The following CCN5 variants were observed in gnomAD, a reference collection of about 807,000 sequenced individuals.
CCN5 encodes the protein CCN family member 5.
In CCN5, 17 loss-of-function variants were observed where a neutral mutation model predicts 18.7. The observed-to-expected ratio is 0.91, with a 90% CI of 0.62 to 1.36. The LOEUF (loss-of-function observed/expected upper bound fraction) is 1.36. Ranked by LOEUF, CCN5 falls within the 40% of genes most tolerant of loss-of-function variation. CCN5 has a pLI of 0.00. For synonymous variants in CCN5, 135 were observed against 145.2 expected (o/e 0.93, Z 0.50); for missense variants, 367 against 342.9 (o/e 1.07, Z -0.56).
chr20:44,715,232 T>C (rs2065847553), upstream of CCN5: 31 of 489,348 alleles, frequency 6.3e-5, 1 homozygote, highest in South Asian at 6.3e-4. Context: ...AGTGTGTTTG[T>C]GTGTGTGTGT....
intron 3 of CCN5, among the ~76,000 whole-genome samples, chr20:44,725,575 C>T (rs1310220512): frequency 2.0e-5 from 3 of 151,826 alleles, no homozygotes; most frequent in South Asian, 2.1e-4. Context: ...GTGACAGAGC[C>T]GGGAGAGGAA....
At chr20:44,718,915 A>G (rs568718442) in intron 1 of CCN5, among the ~76,000 whole-genome samples, 3 of 152,204 alleles carry the variant, frequency 2.0e-5, no homozygotes, top group Non-Finnish European at 2.9e-5. Context: ...CTGATTTTGT[A>G]AGCCCCAGAG....
chr20:44,723,138 T>C (rs2065911770), intron 2 of CCN5, among the ~76,000 whole-genome samples: 1 of 152,096 alleles, frequency 6.6e-6, no homozygotes, highest in African/African-American at 2.4e-5. Context: ...TCCAGCCACA[T>C]TGGCCCCTTG....
intron 1 of CCN5, among the ~76,000 whole-genome samples, chr20:44,717,231 T>C (rs1568877717): frequency 6.6e-6 from 1 of 152,192 alleles, no homozygotes; most frequent in Non-Finnish European, 1.5e-5. Flanking sequence ...GCACCTCACA[T>C]TGGAGGGGTA....
At chr20:44,718,453 G>T (rs1302690443) in intron 1 of CCN5, among the ~76,000 whole-genome samples, 7 of 152,054 alleles carry the variant, frequency 4.6e-5, no homozygotes, top group African/African-American at 1.7e-4. Flanking sequence ...ACTCAAACTT[G>T]GCCCCCCAAA....
chr20:44,715,274 C>T (rs758856388), upstream of CCN5: 9,806 of 747,286 alleles, frequency 0.013, 185 homozygotes, highest in Non-Finnish European at 0.014. Flanking sequence ...CGCGCGCGCG[C>T]GCGCGCGTGT....
At chr20:44,726,398 T>G (rs748795671) in intron 3 of CCN5, among the ~76,000 whole-genome samples, 3 of 151,824 alleles carry the variant, frequency 2.0e-5, no homozygotes, top group Non-Finnish European at 2.9e-5. Flanking sequence ...GAAATCAGGG[T>G]TTCTCAACGT....
rs778824284 is a variant in CCN5, at chr20:44,727,459, C to G, written c.*152C>G. The G allele has an allele frequency of 3.1e-5, 44 of 1,437,642 alleles. No individual in the cohort carries two copies. The highest frequency in any genetic ancestry group is 3.9e-5 in the Non-Finnish European group (43 of 1,090,504). The allele number at this position is 1,437,642 out of a possible 1,614,324, so 89.1% of individuals were successfully genotyped here. A position where few individuals can be genotyped will look rare whatever the true frequency, so the allele number is the denominator to read the frequency against. On this transcript the variant is annotated 3_prime_UTR_variant, in exon 4 of 4. Transcript: ENST00000190983. ...CCACCATGCAGAACACCAATATTAA[C>G]ACGCTGCCTGGTCTGTCTGGATCCC... is the stretch of plus-strand genomic sequence containing the variant.
intron 3 of CCN5, 85 bp from the exon 4 acceptor site, chr20:44,727,002 A>G (rs2065939947): frequency 1.5e-6 from 2 of 1,351,378 alleles, no homozygotes; most frequent in Non-Finnish European, 2.0e-6. Flanking sequence ...CATTTGACCA[A>G]GATTGCCGTG....
chr20:44,715,493 G>A (rs1209186254), intron 1 of CCN5, 43 bp downstream of exon 1: 3 of 1,560,140 alleles, frequency 1.9e-6, no homozygotes, highest in Non-Finnish European at 2.6e-6. Flanking sequence ...GACTATTTGG[G>A]TGTGGAGGGG....
intron 1 of CCN5, among the ~76,000 whole-genome samples, chr20:44,719,566 G>A (rs546591943): frequency 6.6e-6 from 1 of 152,256 alleles, no homozygotes; most frequent in South Asian, 2.1e-4. Flanking sequence ...AGGCACGAGA[G>A]TCGCTTGAAC....
At position 44,721,888 on chromosome 20, in the gene CCN5, A is replaced by C. The variant is rs1368533463; in HGVS notation, c.277+1775A>C. The stretch of plus-strand genomic sequence containing the variant: ...ACTTGCCCAAGGTCACACAGCTCAT[A>C]AGCGGCAGAGCTGAGATTTGAACTC... On this transcript the variant is annotated intron_variant, in intron 2 of 3. Transcript: ENST00000190983. Among the ~76,000 whole-genome samples the C allele has an allele frequency of 3.3e-5, 5 of 152,372 alleles. No individual in the cohort carries two copies. The South Asian group carries it at 1.0e-3, about 32-fold the overall frequency.
chr20:44,717,188 A>G (rs1201866832), intron 1 of CCN5, among the ~76,000 whole-genome samples: 1 of 152,184 alleles, frequency 6.6e-6, no homozygotes, highest in Non-Finnish European at 1.5e-5. Context: ...TTTGAGCTCC[A>G]GTTTTCTCAT....
intron 2 of CCN5, 141 bp from the exon 3 acceptor site, chr20:44,724,597 G>T: frequency 3.8e-6 from 5 of 1,324,876 alleles, no homozygotes; most frequent in Non-Finnish European, 5.1e-6. Flanking sequence ...CTGGGGAGAG[G>T]TGCATATCCT....
intron 2 of CCN5, among the ~76,000 whole-genome samples, chr20:44,722,608 A>G (rs1462574991): frequency 2.0e-5 from 3 of 151,952 alleles, no homozygotes; most frequent in Non-Finnish European, 4.4e-5. Context: ...CTGGGATTAC[A>G]GACACATACC....
intron 1 of CCN5, among the ~76,000 whole-genome samples, chr20:44,717,722 A>T (rs1201020035): frequency 6.6e-6 from 1 of 151,884 alleles, no homozygotes; most frequent in Non-Finnish European, 1.5e-5. Context: ...TAAAAATACA[A>T]AAAATTAGCT....
intron 1 of CCN5, 101 bp downstream of exon 1, chr20:44,715,551 C>T (rs1283872382): frequency 3.6e-5 from 47 of 1,297,856 alleles, no homozygotes; most frequent in Non-Finnish European, 4.8e-5. Flanking sequence ...AGAATTCCTC[C>T]AGGGCCCCAC....
chr20:44,717,230 A>AT (rs1478943982), intron 1 of CCN5, among the ~76,000 whole-genome samples: 1 of 152,172 alleles, frequency 6.6e-6, no homozygotes, highest in Non-Finnish European at 1.5e-5. Context: ...GGCACCTCAC[A>AT]TTGGAGGGGT....
upstream of CCN5, chr20:44,715,234 T>A: frequency 2.0e-6 from 1 of 507,554 alleles, no homozygotes; most frequent in Non-Finnish European, 3.4e-6. Context: ...TGTGTTTGTG[T>A]GTGTGTGTGT....
Sources: allele counts gnomAD v4.1 joint callset (sites outside exome capture counted in the v4.1 genomes callset), GRCh38; gene constraint gnomAD v4.1.1; transcripts MANE v1.5; gene names NCBI Gene and HGNC (gene_info 2026-07-23, HGNC 2026-07-21).